SLIT3: variants seen among roughly 807,000 people sequenced by gnomAD.
SLIT3 encodes the protein slit guidance ligand 3, also known as slit homolog 3 protein.
SLIT3 carries 68 observed loss-of-function variants against 184.0 expected under a neutral mutation model. The observed-to-expected ratio is 0.37, with a 90% CI of 0.30 to 0.45. The LOEUF is 0.45. Among genes scored for constraint, SLIT3 ranks in the 20% least tolerant of loss-of-function variants. The pLI, the probability that SLIT3 is intolerant of heterozygous loss-of-function variation, is 1.00. For synonymous variants in SLIT3, 831 were observed against 828.6 expected, an observed-to-expected ratio of 1.00 and a Z score of -0.05; for missense variants, 1,707 against 2,026.0, an observed-to-expected ratio of 0.84 and a Z score of 3.02.
intron 4 of SLIT3, among the ~76,000 whole-genome samples, chr5:169,025,616 G>A (rs1756788625): frequency 1.3e-5 from 2 of 152,150 alleles, no homozygotes; most frequent in East Asian, 1.9e-4. Flanking sequence ...GTGCTGTAAG[G>A]AAACTAAGAG....
intron 4 of SLIT3, among the ~76,000 whole-genome samples, chr5:168,891,273 C>T (rs1760447583): frequency 1.3e-5 from 2 of 152,106 alleles, no homozygotes; most frequent in Admixed American, 6.5e-5. Flanking sequence ...GGCAGAGGCA[C>T]AGGAGAAGGC....
intron 13 of SLIT3, 136 bp from the exon 14 acceptor site, chr5:168,773,080 G>A (rs56952408): frequency 2.3e-6 from 2 of 868,966 alleles, no homozygotes; most frequent in Middle Eastern, 3.3e-4. Flanking sequence ...GGAAGCCTTA[G>A]GGGGTGCTAC....
At chr5:168,842,819 T>G (rs915273595) in intron 6 of SLIT3, among the ~76,000 whole-genome samples, 8 of 152,218 alleles carry the variant, frequency 5.3e-5, no homozygotes, top group Non-Finnish European at 8.8e-5. Context: ...TGGCAGCTGG[T>G]GACTTCCGTT....
chr5:169,133,122 T>C (rs908881334), intron 4 of SLIT3, among the ~76,000 whole-genome samples: 4 of 152,232 alleles, frequency 2.6e-5, no homozygotes, highest in African/African-American at 9.6e-5. Context: ...GATCTGCACC[T>C]TATCCTTCTT....
intron 25 of SLIT3, among the ~76,000 whole-genome samples, chr5:168,709,093 T>TTTTG (rs751363502): frequency 6.8e-4 from 97 of 142,794 alleles, no homozygotes; most frequent in East Asian, 1.4e-3. Context: ...CAGTGTTGTT[T>TTTTG]TCTGTTTGTT....
chr5:169,235,259 CTTTTAAAGCAGTATTCATCCATTTCT>C (rs1765155376), intron 3 of SLIT3, among the ~76,000 whole-genome samples: 1 of 152,094 alleles, frequency 6.6e-6, no homozygotes, highest in South Asian at 2.1e-4. Context: ...TCTTCTATTT[CTTTTAAAGCAGTATTCATCCATTTCT>C]TTTTAAAATC....
chr5:169,059,260 C>T (rs971931752), intron 4 of SLIT3, among the ~76,000 whole-genome samples: 4 of 152,122 alleles, frequency 2.6e-5, no homozygotes, highest in African/African-American at 9.7e-5. Context: ...TGAAAAAAGG[C>T]ACTGTCCCCC....
intron 3 of SLIT3, among the ~76,000 whole-genome samples, chr5:169,230,042 G>A (rs1764946918): frequency 6.6e-6 from 1 of 152,154 alleles, no homozygotes; most frequent in African/African-American, 2.4e-5. Context: ...ATTTCATGGA[G>A]TGTAATTTCA....
At chr5:169,058,450 G>A (rs1044947987) in intron 4 of SLIT3, among the ~76,000 whole-genome samples, 2 of 152,222 alleles carry the variant, frequency 1.3e-5, no homozygotes, top group African/African-American at 4.8e-5. Flanking sequence ...GGCAAGAGCG[G>A]CTCAGGACAC....
intron 4 of SLIT3, among the ~76,000 whole-genome samples, chr5:168,892,360 G>A (rs1469551922): frequency 6.6e-6 from 1 of 152,152 alleles, no homozygotes; most frequent in African/African-American, 2.4e-5. Flanking sequence ...ATCACACATA[G>A]CTAGTGCCTA....
At chr5:168,913,942 A>G (rs1323196184) in intron 4 of SLIT3, among the ~76,000 whole-genome samples, 1 of 152,232 alleles carries the variant, frequency 6.6e-6, no homozygotes, top group Non-Finnish European at 1.5e-5. Context: ...CAATTAAAAA[A>G]TATACACACT....
At chr5:168,816,018 G>T (rs546229983) in intron 8 of SLIT3, among the ~76,000 whole-genome samples, 2 of 152,204 alleles carry the variant, frequency 1.3e-5, no homozygotes, top group African/African-American at 4.8e-5. Context: ...ATACCTCTTT[G>T]GGAAATTTCT....
chr5:169,209,305 G>A (rs1032752151), intron 3 of SLIT3, among the ~76,000 whole-genome samples: 1 of 152,186 alleles, frequency 6.6e-6, no homozygotes, highest in African/African-American at 2.4e-5. Context: ...GGAAACCATA[G>A]ATGCTAAAAA....
intron 3 of SLIT3, among the ~76,000 whole-genome samples, chr5:169,209,761 A>G (rs898903034): frequency 6.6e-6 from 1 of 152,160 alleles, no homozygotes; most frequent in Admixed American, 6.5e-5. Flanking sequence ...ACACATGGAC[A>G]TAGCAAGGGG....
chr5:168,747,970 G>C (rs1411649126), intron 20 of SLIT3, among the ~76,000 whole-genome samples: 1 of 152,188 alleles, frequency 6.6e-6, no homozygotes, highest in African/African-American at 2.4e-5. Flanking sequence ...CTTAGGAAGA[G>C]GGTGTACAGA....
chr5:169,164,788 C>A (rs1051904139), intron 4 of SLIT3, among the ~76,000 whole-genome samples: 45 of 152,240 alleles, frequency 3.0e-4, no homozygotes, highest in Non-Finnish European at 4.4e-5. Flanking sequence ...TTCAATTAAA[C>A]TGCAAGCCAA....
intron 4 of SLIT3, among the ~76,000 whole-genome samples, chr5:169,143,312 CAATAGAT>C (rs761976434): frequency 1.3e-5 from 2 of 152,150 alleles, no homozygotes; most frequent in Non-Finnish European, 2.9e-5. Context: ...CAAACACCAC[CAATAGAT>C]AGACAGTCTC....
At chr5:168,824,485 G>C (rs561056593) in intron 6 of SLIT3, among the ~76,000 whole-genome samples, 1 of 152,334 alleles carries the variant, frequency 6.6e-6, no homozygotes, top group Non-Finnish European at 1.5e-5. Context: ...TATTATGGAA[G>C]CCTAGGGAAA....
intron 1 of SLIT3, among the ~76,000 whole-genome samples, chr5:169,299,764 C>A (rs1041103174): frequency 6.6e-6 from 1 of 152,224 alleles, no homozygotes; most frequent in Non-Finnish European, 1.5e-5. Flanking sequence ...CCTCTCCATT[C>A]GCTGCCAAGC....
Sources: gnomAD v4.1 joint callset for allele counts (sites outside exome capture counted in the v4.1 genomes callset) on GRCh38, gnomAD v4.1.1 for gene constraint, MANE v1.5 for transcripts, NCBI Gene and HGNC (gene_info 2026-07-23, HGNC 2026-07-21) for gene names.